The following TMC5 variants were observed in gnomAD, a reference collection of about 807,000 sequenced individuals.
The protein encoded by TMC5 is transmembrane channel-like protein 5.
A neutral mutation model predicts 110.5 loss-of-function variants in TMC5; 86 were observed. That is an observed-to-expected ratio of 0.78 (90% CI 0.65 to 0.93). The LOEUF is 0.93. Among genes scored for constraint, TMC5 ranks in the 40% least tolerant of loss-of-function variants. The probability of loss-of-function intolerance (pLI) is 0.00; values close to 1 mark genes in which losing one functional copy is unlikely to be tolerated. For missense variants in TMC5, 1,144 were observed against 1,222.8 expected (o/e 0.94, Z 0.96); for synonymous variants, 455 against 439.5 (o/e 1.04, Z -0.44).
intron 2 of TMC5, among the ~76,000 whole-genome samples, chr16:19,438,408 A>AG (rs1491362655): frequency 7.7e-6 from 1 of 129,402 alleles, no homozygotes; most frequent in Non-Finnish European, 1.6e-5. Flanking sequence ...AAAAAAAAAA[A>AG]GAAGAAAGAA....
intron 3 of TMC5, among the ~76,000 whole-genome samples, chr16:19,443,866 T>C (rs1967546596): frequency 7.1e-6 from 1 of 140,696 alleles, no homozygotes; most frequent in African/African-American, 2.7e-5. Flanking sequence ...GATGAATCAA[T>C]GGATGGATGA....
At chr16:19,452,630 T>C (rs1967775791) in intron 5 of TMC5, among the ~76,000 whole-genome samples, 1 of 152,102 alleles carries the variant, frequency 6.6e-6, no homozygotes, top group African/African-American at 2.4e-5. Context: ...GGCAGGGGAA[T>C]CACTTGAACT....
intron 4 of TMC5, among the ~76,000 whole-genome samples, chr16:19,447,745 G>T (rs945870571): frequency 6.6e-6 from 1 of 151,904 alleles, no homozygotes; most frequent in African/African-American, 2.4e-5. Flanking sequence ...GTAGAGACAG[G>T]GTTATGCCAT....
At chr16:19,438,435 GAGAA>G (rs71143882) in intron 2 of TMC5, among the ~76,000 whole-genome samples, 14 of 103,920 alleles carry the variant, frequency 1.3e-4, no homozygotes, top group East Asian at 3.1e-4. Context: ...AAGAAAGAAA[GAGAA>G]AGAAAGAAAG....
chr16:19,442,529 A>G lies in TMC5; in HGVS notation c.789-1552A>G, dbSNP rs573950652. On this transcript the variant is annotated intron_variant, in intron 3 of 21. Coordinates refer to ENST00000542583, the MANE Select transcript of TMC5 (RefSeq NM_001261841.2). ...GTTTTAGTACAGACAGGGTTTCACCATGTTGGCCAGGCTGGTCTTGAGCTA... is the reference window on the plus strand; with the variant it reads ...GTTTTAGTACAGACAGGGTTTCACCGTGTTGGCCAGGCTGGTCTTGAGCTA... Among the ~76,000 whole-genome samples, 84 of 152,102 alleles carry G rather than the reference A, an allele frequency of 5.5e-4. 1 individual carries two copies. Among genetic ancestry groups the G allele is most frequent in the Middle Eastern group, 3.4e-3 (1 of 294 alleles).
intron 12 of TMC5, chr16:19,477,031 G>A (rs1968505745): frequency 5.1e-6 from 1 of 196,014 alleles, no homozygotes; most frequent in Admixed American, 5.4e-5. Flanking sequence ...TGGATCACGA[G>A]GTCAGGAGAT....
intron 1 of TMC5, among the ~76,000 whole-genome samples, 185 bp from the exon 2 acceptor site, chr16:19,430,228 T>G (rs1453153832): frequency 1.3e-5 from 2 of 152,232 alleles, no homozygotes; most frequent in Non-Finnish European, 2.9e-5. Flanking sequence ...AAGATTAGTA[T>G]GAGTTAATAT....
At chr16:19,455,057 C>T (rs543915532) in intron 5 of TMC5, among the ~76,000 whole-genome samples, 1 of 152,198 alleles carries the variant, frequency 6.6e-6, no homozygotes, top group Admixed American at 6.5e-5. Flanking sequence ...ATTACTTGAT[C>T]CCAGGAGGTC....
chr16:19,494,404 G>A (rs1597222759), intron 20 of TMC5, 38 bp downstream of exon 20: 6 of 1,501,558 alleles, frequency 4.0e-6, no homozygotes, highest in East Asian at 2.3e-5. Flanking sequence ...CCTGGGACAC[G>A]AGCTTGCCTC....
intron 5 of TMC5, among the ~76,000 whole-genome samples, chr16:19,453,248 G>T (rs1302256224): frequency 6.6e-6 from 1 of 151,902 alleles, no homozygotes; most frequent in Non-Finnish European, 1.5e-5. Context: ...GAGTTCAGAG[G>T]TTTAAGAACA....
chr16:19,472,129 G>T lies in TMC5; in HGVS notation c.1824G>T (p.Thr608=), dbSNP rs758587271. Residue 608 remains threonine (T), a synonymous_variant, in exon 11 of 22, where the codon ACG becomes ACT. Transcript: ENST00000542583. ...TCCGTCAGGAGAATTCCAAGTTGAC[G>T]TTCAATCAGCTGCTGACCCGCTTCT... is the stretch of plus-strand genomic sequence containing the variant. ...SELRQENSKL[T]FNQLLTRFSA... 5 of 1,614,062 alleles carry T rather than the reference G, an allele frequency of 3.1e-6. No homozygotes were observed. Among genetic ancestry groups the T allele is most frequent in the Non-Finnish European group, 4.2e-6 (5 of 1,180,030 alleles).
chr16:19,417,017 C>T (rs1260855408), upstream of TMC5, among the ~76,000 whole-genome samples: 2 of 134,610 alleles, frequency 1.5e-5, no homozygotes, highest in Non-Finnish European at 1.5e-5. Context: ...TCACTTGAAC[C>T]TGGGAGGCGG....
chr16:19,446,356 A>G (rs1443389704), intron 4 of TMC5, among the ~76,000 whole-genome samples: 6 of 152,218 alleles, frequency 3.9e-5, no homozygotes, highest in Non-Finnish European at 5.9e-5. Flanking sequence ...CTTTGGTATT[A>G]AAACTTCTTA....
chr16:19,437,511 T>C (rs1967374125), intron 2 of TMC5, among the ~76,000 whole-genome samples: 1 of 152,262 alleles, frequency 6.6e-6, no homozygotes, highest in Admixed American at 6.5e-5. Flanking sequence ...ACGGACATTC[T>C]GAGACTGTAG....
At chr16:19,413,712 C>T (rs1241210244), upstream of TMC5, among the ~76,000 whole-genome samples, 1 of 151,976 alleles carries the variant, frequency 6.6e-6, no homozygotes, top group Non-Finnish European at 1.5e-5. Context: ...CATGCCTGTT[C>T]TGCTTACCAT....
intron 1 of TMC5, among the ~76,000 whole-genome samples, chr16:19,412,615 G>A (rs1424295810): frequency 5.9e-5 from 9 of 152,040 alleles, no homozygotes; most frequent in African/African-American, 1.4e-4. Context: ...TGATCCACTC[G>A]CCTCAGCCTC....
chr16:19,472,018 C>G, intron 10 of TMC5, 70 bp from the exon 11 acceptor site: 1 of 1,547,344 alleles, frequency 6.5e-7, no homozygotes, highest in Non-Finnish European at 8.8e-7. Flanking sequence ...GCCTTGGCCT[C>G]CCAAAGTGCT....
At position 19,457,148 on chromosome 16, in the gene TMC5, GGGA is replaced by G. The variant is rs1967898760; in HGVS notation, c.1049-3084_1049-3082del. 1.9e-5 allele frequency: 14 copies of G among 738,304 alleles called. No individual in the cohort carries two copies. The East Asian group carries it at 3.8e-4, about 20-fold the overall frequency. 45.7% of individuals were successfully genotyped at this position (738,304 alleles called of 1,614,324 possible). A position where few individuals can be genotyped will look rare whatever the true frequency, so the allele number is the denominator to read the frequency against. On this transcript the variant is annotated intron_variant, in intron 5 of 21. Coordinates refer to ENST00000542583, the MANE Select transcript of TMC5 (RefSeq NM_001261841.2). The stretch of plus-strand genomic sequence containing the variant: ...CTCACACCTATAATCCTACGGCTTT[GGGA>G]GGCCAAGATAAGAGGAACACTTGAG...
intron 1 of TMC5, among the ~76,000 whole-genome samples, chr16:19,420,836 A>T (rs1049428509): frequency 1.3e-4 from 20 of 152,224 alleles, no homozygotes; most frequent in Non-Finnish European, 1.0e-4. Context: ...GGAAGCCCAT[A>T]GTTACAGTTC....
Sources: allele counts gnomAD v4.1 joint callset (sites outside exome capture counted in the v4.1 genomes callset), GRCh38; gene constraint gnomAD v4.1.1; transcripts MANE v1.5; gene names NCBI Gene and HGNC (gene_info 2026-07-23, HGNC 2026-07-21).